CTSW: variants seen among roughly 807,000 people sequenced by gnomAD.
The protein encoded by CTSW is lymphopain.
CTSW carries 42 observed loss-of-function variants against 43.8 expected under a neutral mutation model. The observed-to-expected ratio is 0.96, with a 90% CI of 0.75 to 1.24. The LOEUF (loss-of-function observed/expected upper bound fraction) is 1.24. CTSW is among the 50% of genes most tolerant of loss of function. The pLI is 0.00. For missense variants in CTSW, 475 were observed against 479.9 expected (o/e 0.99, Z 0.09); for synonymous variants, 191 against 184.8 (o/e 1.03, Z -0.27).
chr11:65,882,420 C>T lies in CTSW; in HGVS notation c.442-10C>T. Reference sequence around the variant, plus strand: ...AACACCTAGCCCCGCCCCACCCTCTCGCCCTCCAGAAAAACTGCAACTGCT... The same window carrying T: ...AACACCTAGCCCCGCCCCACCCTCTTGCCCTCCAGAAAAACTGCAACTGCT... On this transcript the variant is annotated splice_polypyrimidine_tract_variant and intron_variant, in intron 4 of 9. Coordinates refer to ENST00000307886, the MANE Select transcript of CTSW (RefSeq NM_001335.4). The T allele has an allele frequency of 4.3e-6, 7 of 1,614,102 alleles. No individual in the cohort carries two copies. The highest frequency in any genetic ancestry group is 1.6e-4 in the Middle Eastern group (1 of 6,062).
chr11:65,880,077 T>C (rs937810662), intron 1 of CTSW, 125 bp from the exon 2 acceptor site: 5 of 1,202,170 alleles, frequency 4.2e-6, no homozygotes, highest in Non-Finnish European at 6.1e-6. Context: ...CAAGGGCACA[T>C]GGGAAGACAG....
At position 65,882,489 on chromosome 11, in the gene CTSW, C is replaced by T. The variant is rs767587777; in HGVS notation, c.501C>T (p.Arg167=). The T allele has an allele frequency of 2.5e-6, 4 of 1,614,212 alleles. No individual in the cohort carries two copies. Among genetic ancestry groups the T allele is most frequent in the Non-Finnish European group, 8.5e-7 (1 of 1,180,036 alleles). ...AAAGNIETLW[R]ISFWDFVDVS... is the part of the protein sequence containing the mutation. ...CAGGCAACATAGAGACCCTGTGGCG[C>T]ATCAGTTTCTGGGATTTTGTGGATG... The change falls in exon 5 of 10, where the codon CGC becomes CGT. Residue 167 remains arginine (R), a synonymous_variant. Coordinates refer to ENST00000307886, the MANE Select transcript of CTSW (RefSeq NM_001335.4).
Position 65,881,606 on chromosome 11 carries a change from A to G in CTSW, c.286+86A>G, listed in dbSNP as rs143202702. ...GGCAGCTGGACCCAGCGGACCTTCA[A>G]TTTTTACTTCCCAGGGAAGGAAATT... On this transcript the variant is annotated intron_variant, in intron 3 of 9. Transcript: ENST00000307886. 2.0e-4 allele frequency: 168 copies of G among 858,664 alleles called. No individual in the cohort carries two copies. In the African/African-American group the frequency reaches 2.7e-3, roughly 14 times the overall value. 53.2% of individuals were successfully genotyped at this position (858,664 alleles called of 1,614,324 possible). A position where few individuals can be genotyped will look rare whatever the true frequency, so the allele number is the denominator to read the frequency against.
At position 65,883,362 on chromosome 11, in the gene CTSW, C is replaced by G; in HGVS notation, c.958C>G (p.Pro320Ala). ...AGTCTCATCGCAGTCTCAGCCTCAG[C>G]CTCCACACCCCACCCCATACTGGAT... ...ETVSSQSQPQ[P>A]PHPTPYWILK... The change falls in exon 9 of 10, where the codon CCT becomes GCT. Residue 320 changes from proline to alanine, a missense_variant. Coordinates refer to ENST00000307886, the MANE Select transcript of CTSW (RefSeq NM_001335.4). 1 of 1,614,116 alleles carries G rather than the reference C, an allele frequency of 6.2e-7. No homozygotes were observed. The highest frequency in any genetic ancestry group is 8.5e-7 in the Non-Finnish European group (1 of 1,180,022).
At position 65,880,236 on chromosome 11, in the gene CTSW, C is replaced by T. The variant is rs753093602; in HGVS notation, c.122C>T (p.Ala41Val). The stretch of plus-strand genomic sequence containing the variant: ...CCCCAGCCGCTAGAGCTGAAAGAGG[C>T]CTTCAAGTTGTTCCAGATCCAGTTC... Reference protein sequence around the residue: ...LGPQPLELKEAFKLFQIQFNR... With the variant: ...LGPQPLELKEVFKLFQIQFNR... The change falls in exon 2 of 10, where the codon GCC (alanine) becomes GTC (valine). Residue 41 changes from alanine to valine, a missense_variant. Ala to Val is a moderately conservative substitution (Grantham distance 64). Coordinates refer to ENST00000307886, the MANE Select transcript of CTSW (RefSeq NM_001335.4). The T allele has an allele frequency of 5.0e-6, 8 of 1,614,176 alleles. No individual in the cohort carries two copies. Among genetic ancestry groups the T allele is most frequent in the Admixed American group, 1.7e-5 (1 of 60,024 alleles).
At chr11:65,880,314 C>G in intron 2 of CTSW, 28 bp downstream of exon 2, 1 of 1,553,678 alleles carries the variant, frequency 6.4e-7, no homozygotes, top group Non-Finnish European at 8.7e-7. Context: ...CATCTCCAGT[C>G]CAAGCCCCCA....
At chr11:65,880,043 G>A in intron 1 of CTSW, 102 bp downstream of exon 1, 1 of 1,254,672 alleles carries the variant, frequency 8.0e-7, no homozygotes, top group Non-Finnish European at 1.1e-6. Flanking sequence ...GAGTTGCTGA[G>A]GCTGGAGAGG....
chr11:65,879,890 C>T lies in CTSW; in HGVS notation c.36C>T (p.Ala12=), dbSNP rs1251204026. Residue 12 remains alanine (A), a synonymous_variant, in exon 1 of 10, where the codon GCC becomes GCT. Transcript: ENST00000307886. ...ALTAHPSCLL[A]LLVAGLAQGI... ...CTGCCCACCCCTCCTGCCTCCTGGC[C>T]CTGTTGGTGGCAGGCCTAGCCCAAG... is the stretch of plus-strand genomic sequence containing the variant. 1 of 1,613,866 alleles carries T rather than the reference C, an allele frequency of 6.2e-7. No individual in the cohort carries two copies. Among genetic ancestry groups the T allele is most frequent in the Non-Finnish European group, 8.5e-7 (1 of 1,179,934 alleles).
chr11:65,883,323 A>T lies in CTSW; in HGVS notation c.919A>T (p.Ile307Leu). Reference protein sequence around the residue: ...GFGSVKSEEGIWAETVSSQSQ... With the variant: ...GFGSVKSEEGLWAETVSSQSQ... ...TGGCAGCGTCAAGTCAGAGGAGGGGATATGGGCAGAGACAGTCTCATCGCA... is the reference window on the plus strand; with the variant it reads ...TGGCAGCGTCAAGTCAGAGGAGGGGTTATGGGCAGAGACAGTCTCATCGCA... The change falls in exon 9 of 10, where the codon ATA (isoleucine) becomes TTA (leucine). Residue 307 changes from isoleucine to leucine, a missense_variant. Transcript: ENST00000307886. 1 of 1,613,904 alleles carries T rather than the reference A, an allele frequency of 6.2e-7. No individual in the cohort carries two copies. Among genetic ancestry groups the T allele is most frequent in the Non-Finnish European group, 8.5e-7 (1 of 1,179,974 alleles).
At chr11:65,882,932 A>G in intron 7 of CTSW, 28 bp downstream of exon 7, 1 of 1,613,298 alleles carries the variant, frequency 6.2e-7, no homozygotes. Context: ...ACACGGGCGG[A>G]TGGCAGGGAC....
intron 2 of CTSW, 95 bp downstream of exon 2, chr11:65,880,381 G>A (rs1349109880): frequency 2.4e-5 from 24 of 991,196 alleles, no homozygotes; most frequent in Non-Finnish European, 3.7e-5. Flanking sequence ...GAGTGCAATG[G>A]TGTCATCTTG....
At chr11:65,882,378 G>A (rs1860119681) in intron 4 of CTSW, 49 bp downstream of exon 4, 1 of 1,613,770 alleles carries the variant, frequency 6.2e-7, no homozygotes, top group Middle Eastern at 1.7e-4. Flanking sequence ...TGGTGGGAGG[G>A]AGAGGGGCAC....
rs1202908942 is a variant in CTSW, at chr11:65,883,055, G to A, written c.746-14G>A. ...ACCCACATGCCAAGGGTCTGATGAT[G>A]TTCCTGTCCCCAGGAATTGCGCAGT... On this transcript the variant is annotated splice_polypyrimidine_tract_variant and intron_variant, in intron 7 of 9. Transcript: ENST00000307886. 1 of 1,614,068 alleles carries A rather than the reference G, an allele frequency of 6.2e-7. No individual in the cohort carries two copies. The highest frequency in any genetic ancestry group is 1.7e-5 in the Admixed American group (1 of 60,020).
At chr11:65,880,803 C>T (rs1338361658) in intron 2 of CTSW, among the ~76,000 whole-genome samples, 6 of 152,122 alleles carry the variant, frequency 3.9e-5, no homozygotes, top group Non-Finnish European at 7.4e-5. Context: ...GGGTCCTGCC[C>T]TAGTCCTACG....
rs1413608630 is a variant in CTSW at position 65,880,252 on chromosome 11, G to A, written c.138G>A (p.Gln46=). ...LELKEAFKLF[Q]IQFNRSYLSP... ...TGAAAGAGGCCTTCAAGTTGTTCCAGATCCAGTTCAACCGGAGTTACCTGA... is the reference window on the plus strand; with the variant it reads ...TGAAAGAGGCCTTCAAGTTGTTCCAAATCCAGTTCAACCGGAGTTACCTGA... The change falls in exon 2 of 10, where the codon CAG becomes CAA. Residue 46 remains glutamine, a synonymous_variant. Coordinates refer to ENST00000307886, the MANE Select transcript of CTSW (RefSeq NM_001335.4). The A allele has an allele frequency of 1.2e-6, 2 of 1,613,998 alleles. No homozygotes were observed. The highest frequency in any genetic ancestry group is 1.7e-5 in the Admixed American group (1 of 60,008).
chr11:65,882,280 G>C lies in CTSW; in HGVS notation c.392G>C (p.Ser131Thr). The C allele has an allele frequency of 2.5e-6, 4 of 1,614,176 alleles. No individual in the cohort carries two copies. Among genetic ancestry groups the C allele is most frequent in the Non-Finnish European group, 3.4e-6 (4 of 1,180,014 alleles). The change falls in exon 4 of 10, where the codon AGC becomes ACC. Residue 131 changes from serine (S) to threonine (T), a missense_variant. Ser to Thr is a moderately conservative substitution (Grantham distance 58). Coordinates refer to ENST00000307886, the MANE Select transcript of CTSW (RefSeq NM_001335.4). Reference protein sequence around the residue: ...SEEPEESVPFSCDWRKVASAI... With the variant: ...SEEPEESVPFTCDWRKVASAI... Reference sequence around the variant, plus strand: ...GAGCCAGAGGAGTCAGTACCTTTCAGCTGTGACTGGCGGAAGGTGGCCAGC... The same window carrying C: ...GAGCCAGAGGAGTCAGTACCTTTCACCTGTGACTGGCGGAAGGTGGCCAGC...
rs780902105 is a variant in CTSW at position 65,883,079 on chromosome 11, G to A, written c.756G>A (p.Gln252=). Reference sequence around the variant, plus strand: ...TGTTCCTGTCCCCAGGAATTGCGCAGTACCTGGCCACTTATGGCCCCATCA... The same window carrying A: ...TGTTCCTGTCCCCAGGAATTGCGCAATACCTGGCCACTTATGGCCCCATCA... ...MLQNNEHRIA[Q]YLATYGPITV... is the part of the protein sequence containing the mutation. Residue 252 remains glutamine (Q), a synonymous_variant, in exon 8 of 10, where the codon CAG becomes CAA. Transcript: ENST00000307886. 6 of 1,614,140 alleles carry A rather than the reference G, an allele frequency of 3.7e-6. No homozygotes were observed. In the South Asian group the frequency reaches 4.4e-5, roughly 12 times the overall value.
intron 3 of CTSW, among the ~76,000 whole-genome samples, 160 bp downstream of exon 3, chr11:65,881,680 T>G (rs1860107054): frequency 6.6e-6 from 1 of 152,170 alleles, no homozygotes; most frequent in Non-Finnish European, 1.5e-5. Context: ...AATCACCCAG[T>G]GCAGGGGCAG....
At position 65,883,127 on chromosome 11, in the gene CTSW, C is replaced by T. The variant is rs1860136893; in HGVS notation, c.804C>T (p.Pro268=). The change falls in exon 8 of 10, where the codon CCC becomes CCT. Residue 268 remains proline, a synonymous_variant. Transcript: ENST00000307886. ...TCACCGTGACCATCAACATGAAGCC[C>T]CTTCAGGTGAGATGGGGGAGCTGAT... ...GPITVTINMK[P]LQLYRKGVIK... is the part of the protein sequence containing the mutation. 1 of 1,614,084 alleles carries T rather than the reference C, an allele frequency of 6.2e-7. No individual in the cohort carries two copies.
Sources: allele counts gnomAD v4.1 joint callset (sites outside exome capture counted in the v4.1 genomes callset), GRCh38; gene constraint gnomAD v4.1.1; transcripts MANE v1.5; gene names NCBI Gene and HGNC (gene_info 2026-07-23, HGNC 2026-07-21).